TAF4B: variants seen among roughly 807,000 people sequenced by gnomAD.
TAF4B encodes TATA-box binding protein associated factor 4b, also known as transcription initiation factor TFIID subunit 4B.
TAF4B carries 38 observed loss-of-function variants against 86.4 expected under a neutral mutation model. The ratio of observed to expected loss-of-function variants is 0.44; its 90% CI spans 0.34 to 0.58. The LOEUF (loss-of-function observed/expected upper bound fraction) is 0.58. TAF4B is among the 20% of genes least tolerant of loss of function. The probability of loss-of-function intolerance (pLI) is 0.02; values close to 1 mark genes in which losing one functional copy is unlikely to be tolerated. For missense variants in TAF4B, 988 were observed against 1,027.6 expected, an observed-to-expected ratio of 0.96 and a Z score of 0.53; for synonymous variants, 388 against 391.2, an observed-to-expected ratio of 0.99 and a Z score of 0.10.
intron 1 of TAF4B, among the ~76,000 whole-genome samples, chr18:26,242,309 T>A (rs2055852160): frequency 6.6e-6 from 1 of 152,250 alleles, no homozygotes; most frequent in South Asian, 2.1e-4. Flanking sequence ...TTAGCTCTTC[T>A]TGTTGAATTG....
At chr18:26,324,128 T>A (rs1477734594) in intron 11 of TAF4B, among the ~76,000 whole-genome samples, 1 of 152,202 alleles carries the variant, frequency 6.6e-6, no homozygotes, top group African/African-American at 2.4e-5. Context: ...CTAGTTTGGA[T>A]TGTTATCAGC....
At chr18:26,282,736 A>G (rs967608830) in intron 6 of TAF4B, among the ~76,000 whole-genome samples, 1 of 152,206 alleles carries the variant, frequency 6.6e-6, no homozygotes, top group African/African-American at 2.4e-5. Flanking sequence ...GTGCTGTCTG[A>G]TAGCATTTCA....
chr18:26,273,375 T>C (rs759492195), intron 3 of TAF4B, among the ~76,000 whole-genome samples: 1 of 152,188 alleles, frequency 6.6e-6, no homozygotes, highest in Admixed American at 6.5e-5. Context: ...GAAATATACA[T>C]GCAAACAAGA....
intron 9 of TAF4B, among the ~76,000 whole-genome samples, chr18:26,297,310 CGTTGGCACT>C (rs1372670735): frequency 6.6e-6 from 1 of 152,066 alleles, no homozygotes; most frequent in Admixed American, 6.6e-5. Flanking sequence ...CGAGAAAATT[CGTTGGCACT>C]GTTAAGGTTC....
intron 12 of TAF4B, among the ~76,000 whole-genome samples, chr18:26,332,778 C>T (rs2057061114): frequency 6.6e-6 from 1 of 152,152 alleles, no homozygotes; most frequent in Non-Finnish European, 1.5e-5. Context: ...GTGATCCACC[C>T]ACCTCAGCAT....
intron 14 of TAF4B, among the ~76,000 whole-genome samples, chr18:26,361,610 T>C (rs551724345): frequency 1.5e-3 from 227 of 151,650 alleles, no homozygotes; most frequent in African/African-American, 5.2e-3. Context: ...CTGGGCGTGG[T>C]GTCATGTGCC....
chr18:26,388,033 T>A (rs1176271661), intron 14 of TAF4B, among the ~76,000 whole-genome samples: 1 of 152,182 alleles, frequency 6.6e-6, no homozygotes, highest in East Asian at 1.9e-4. Flanking sequence ...AATTTAATTG[T>A]TATAAAAGGA....
At chr18:26,375,420 A>G (rs1287625183) in intron 14 of TAF4B, among the ~76,000 whole-genome samples, 1 of 152,152 alleles carries the variant, frequency 6.6e-6, no homozygotes, top group Non-Finnish European at 1.5e-5. Flanking sequence ...TCTCTTGGGT[A>G]TATCCCTAAT....
chr18:26,237,696 T>A (rs988892957), intron 1 of TAF4B, among the ~76,000 whole-genome samples: 2 of 152,158 alleles, frequency 1.3e-5, no homozygotes, highest in Non-Finnish European at 2.9e-5. Context: ...GTAAGATACC[T>A]CACTCCATTT....
chr18:26,242,815 A>G (rs1001676184), intron 1 of TAF4B, among the ~76,000 whole-genome samples: 23 of 152,284 alleles, frequency 1.5e-4, no homozygotes, highest in Admixed American at 1.4e-3. Flanking sequence ...GTTTGTCTGT[A>G]AAGGATTTTA....
intron 9 of TAF4B, among the ~76,000 whole-genome samples, chr18:26,313,067 G>A (rs541702696): frequency 6.6e-6 from 1 of 152,244 alleles, no homozygotes; most frequent in East Asian, 1.9e-4. Context: ...TTATGCCTAT[G>A]TAAGCGTATG....
At chr18:26,382,161 T>A (rs191281618) in intron 14 of TAF4B, among the ~76,000 whole-genome samples, 185 of 152,318 alleles carry the variant, frequency 1.2e-3, no homozygotes, top group African/African-American at 4.1e-3. Context: ...AAATCAAAGC[T>A]AATTCTTAAA....
intron 1 of TAF4B, among the ~76,000 whole-genome samples, chr18:26,257,373 A>G (rs765216059): frequency 1.3e-5 from 2 of 152,094 alleles, no homozygotes; most frequent in Non-Finnish European, 2.9e-5. Context: ...TGGCCACTAC[A>G]GCTTTCTTGT....
At chr18:26,340,552 T>C (rs2057128120) in intron 13 of TAF4B, among the ~76,000 whole-genome samples, 1 of 152,080 alleles carries the variant, frequency 6.6e-6, no homozygotes, top group Admixed American at 6.6e-5. Flanking sequence ...AGGACAGTGG[T>C]TCTCAAACGT....
chr18:26,316,443 T>C (rs1462661700), intron 10 of TAF4B, among the ~76,000 whole-genome samples: 1 of 151,968 alleles, frequency 6.6e-6, no homozygotes, highest in Non-Finnish European at 1.5e-5. Flanking sequence ...CAGGCTGGAG[T>C]GCAGTGGTGC....
At chr18:26,342,531 G>A (rs1271733968) in intron 13 of TAF4B, among the ~76,000 whole-genome samples, 3 of 152,104 alleles carry the variant, frequency 2.0e-5, no homozygotes, top group East Asian at 3.8e-4. Flanking sequence ...CAAGAAGTAC[G>A]TCTATTGAAC....
At chr18:26,384,400 C>T (rs1307715141) in intron 14 of TAF4B, among the ~76,000 whole-genome samples, 1 of 152,204 alleles carries the variant, frequency 6.6e-6, no homozygotes, top group African/African-American at 2.4e-5. Flanking sequence ...CAGCAGCAGG[C>T]TCCTCCACTA....
At chr18:26,364,613 A>G (rs1171624911) in intron 14 of TAF4B, among the ~76,000 whole-genome samples, 1 of 152,088 alleles carries the variant, frequency 6.6e-6, no homozygotes, top group Admixed American at 6.6e-5. Context: ...AATATTTTGC[A>G]TGCCTTATTA....
In TAF4B at chr18:26,252,811, ATTAG is replaced by A. The variant is rs1037396579; in HGVS notation, c.344-12355_344-12352del. Reference sequence around the variant, plus strand: ...TATTTTTATTTTTATTTATTATTTTATTAGTTATTTTATTTATTTATATATATTT... The same window carrying A: ...TATTTTTATTTTTATTTATTATTTTATTATTTTATTTATTTATATATATTT... On this transcript the variant is annotated intron_variant, in intron 1 of 14. Coordinates refer to ENST00000269142, the MANE Select transcript of TAF4B (RefSeq NM_005640.3). Among the ~76,000 whole-genome samples, 16 of 149,732 alleles carry A rather than the reference ATTAG, an allele frequency of 1.1e-4. No individual in the cohort carries two copies. In the South Asian group the frequency reaches 2.1e-3, roughly 20 times the overall value.
Sources: allele counts gnomAD v4.1 joint callset (sites outside exome capture counted in the v4.1 genomes callset), GRCh38; gene constraint gnomAD v4.1.1; transcripts MANE v1.5; gene names NCBI Gene and HGNC (gene_info 2026-07-23, HGNC 2026-07-21).